The following UPP2 variants were observed in gnomAD, a reference collection of about 807,000 sequenced individuals.
UPP2 encodes uridine phosphorylase 2.
A neutral mutation model predicts 26.7 loss-of-function variants in UPP2; 23 were observed. That is an observed-to-expected ratio of 0.86 (90% CI 0.62 to 1.22). The LOEUF (loss-of-function observed/expected upper bound fraction) is 1.22, where lower values mean the gene tolerates loss of function less well. Among genes scored for constraint, UPP2 ranks in the 50% most tolerant of loss-of-function variants. UPP2 has a pLI of 0.00. For missense variants in UPP2, 387 were observed against 396.7 expected (o/e 0.98, Z 0.21); for synonymous variants, 127 against 141.3 (o/e 0.90, Z 0.72).
intron 3 of UPP2, among the ~76,000 whole-genome samples, chr2:158,025,519 G>C (rs1683820394): frequency 6.6e-6 from 1 of 152,218 alleles, no homozygotes; most frequent in Non-Finnish European, 1.5e-5. Context: ...GCAACTGCAA[G>C]CCAAGAAGCC....
At chr2:158,024,166 G>C (rs558028037) in intron 3 of UPP2, among the ~76,000 whole-genome samples, 16 of 152,156 alleles carry the variant, frequency 1.1e-4, no homozygotes, top group Non-Finnish European at 1.9e-4. Flanking sequence ...TGCGGATATA[G>C]GGATCCCCTG....
intron 3 of UPP2, among the ~76,000 whole-genome samples, chr2:158,081,165 A>G (rs2105194767): frequency 1.3e-5 from 2 of 152,220 alleles, no homozygotes; most frequent in South Asian, 4.1e-4. Flanking sequence ...TGAAATGATG[A>G]TTTTGGAAAA....
intron 5 of UPP2, among the ~76,000 whole-genome samples, chr2:158,122,616 A>T (rs1683594768): frequency 6.6e-6 from 1 of 152,134 alleles, no homozygotes; most frequent in Non-Finnish European, 1.5e-5. Context: ...CAGTATTTTT[A>T]AAAATGTGAA....
chr2:158,108,012 C>T (rs1370618452), intron 2 of UPP2, among the ~76,000 whole-genome samples: 3 of 152,154 alleles, frequency 2.0e-5, no homozygotes, highest in African/African-American at 7.2e-5. Context: ...TCATGCCTCT[C>T]AATAATATCC....
At chr2:158,020,296 A>G (rs1200335308) in intron 3 of UPP2, among the ~76,000 whole-genome samples, 4 of 152,124 alleles carry the variant, frequency 2.6e-5, no homozygotes, top group Non-Finnish European at 5.9e-5. Flanking sequence ...CTCCTTTGCA[A>G]AGTGGCGTTA....
intron 3 of UPP2, among the ~76,000 whole-genome samples, chr2:158,052,201 G>A (rs948655198): frequency 6.6e-6 from 1 of 152,170 alleles, no homozygotes; most frequent in East Asian, 1.9e-4. Context: ...CTAGGTAAGG[G>A]AATAATGGGA....
intron 3 of UPP2, among the ~76,000 whole-genome samples, chr2:158,080,733 C>T (rs1682711916): frequency 6.6e-6 from 1 of 152,078 alleles, no homozygotes; most frequent in South Asian, 2.1e-4. Context: ...AAAAGCCAGC[C>T]TCTGTATTTT....
At chr2:158,108,343 A>G (rs1292937094) in intron 2 of UPP2, among the ~76,000 whole-genome samples, 1 of 152,172 alleles carries the variant, frequency 6.6e-6, no homozygotes, top group Non-Finnish European at 1.5e-5. Context: ...GTTTGTCTGT[A>G]ATAGGCACAA....
intron 4 of UPP2, among the ~76,000 whole-genome samples, chr2:158,121,136 C>T (rs1267075732): frequency 6.6e-6 from 1 of 151,918 alleles, no homozygotes; most frequent in Non-Finnish European, 1.5e-5. Context: ...CAAATTTGAG[C>T]CCAAAGTCTG....
At chr2:158,133,503 A>C (rs1683867371) in intron 6 of UPP2, among the ~76,000 whole-genome samples, 1 of 152,196 alleles carries the variant, frequency 6.6e-6, no homozygotes, top group Non-Finnish European at 1.5e-5. Flanking sequence ...TCTTTAAGAG[A>C]GTAGATTTTA....
intron 3 of UPP2, among the ~76,000 whole-genome samples, chr2:158,086,482 A>G (rs1321650533): frequency 6.6e-6 from 1 of 151,454 alleles, no homozygotes; most frequent in East Asian, 1.9e-4. Context: ...TTTTGTTTCA[A>G]TTTCATTTAG....
At chr2:157,995,303 G>A (rs1181932442) in intron 2 of UPP2, 2 of 1,596,104 alleles carry the variant, frequency 1.3e-6, no homozygotes, top group Non-Finnish European at 1.7e-6. Flanking sequence ...CTAAGCACAT[G>A]TGTCTGGTCA....
intron 2 of UPP2, among the ~76,000 whole-genome samples, chr2:158,008,216 A>G (rs1380634938): frequency 6.6e-6 from 1 of 152,214 alleles, no homozygotes; most frequent in Admixed American, 6.5e-5. Flanking sequence ...TTCGTTCATG[A>G]AACTTTGCCA....
At chr2:158,063,136 T>C (rs867805565) in intron 3 of UPP2, among the ~76,000 whole-genome samples, 1 of 152,142 alleles carries the variant, frequency 6.6e-6, no homozygotes, top group African/African-American at 2.4e-5. Context: ...TTCTGAACAA[T>C]TACCTTTTCT....
At chr2:158,027,869 G>T (rs1223320421) in intron 3 of UPP2, among the ~76,000 whole-genome samples, 1 of 152,202 alleles carries the variant, frequency 6.6e-6, no homozygotes, top group Admixed American at 6.5e-5. Flanking sequence ...CCCAAGGTTT[G>T]GGGCTTGTAT....
intron 2 of UPP2, among the ~76,000 whole-genome samples, chr2:158,007,996 T>A (rs958399297): frequency 6.6e-6 from 1 of 152,160 alleles, no homozygotes; most frequent in Non-Finnish European, 1.5e-5. Context: ...AAGCAATCAA[T>A]TTTCAAGCTC....
At chr2:158,066,037 G>A in intron 3 of UPP2, 1 of 326,676 alleles carries the variant, frequency 3.1e-6, no homozygotes, top group East Asian at 8.0e-5. Context: ...AAAGACTCCA[G>A]TGGTCATAGA....
At chr2:158,043,422 C>T (rs1011609858) in intron 3 of UPP2, among the ~76,000 whole-genome samples, 2 of 152,104 alleles carry the variant, frequency 1.3e-5, no homozygotes, top group Non-Finnish European at 2.9e-5. Flanking sequence ...GGCAGATGGG[C>T]AGAGAGAGAG....
intron 3 of UPP2, chr2:158,065,907 G>A: frequency 5.1e-6 from 3 of 588,422 alleles, no homozygotes; most frequent in Non-Finnish European, 9.5e-6. Context: ...ATTAATTGAA[G>A]GCAAAATGAA....
Sources: gnomAD v4.1 joint callset for allele counts (sites outside exome capture counted in the v4.1 genomes callset) on GRCh38, gnomAD v4.1.1 for gene constraint, MANE v1.5 for transcripts, NCBI Gene and HGNC (gene_info 2026-07-23, HGNC 2026-07-21) for gene names.